Variants in HYDIN observed in about 807,000 individuals in gnomAD.
The protein encoded by HYDIN is HYDIN axonemal central pair apparatus protein.
Under a neutral mutation model 403.9 loss-of-function variants are expected in HYDIN, and 132 were observed. The observed-to-expected ratio is 0.33, with a 90% CI of 0.28 to 0.38. HYDIN has a LOEUF of 0.38. HYDIN is among the 10% of genes least tolerant of loss of function. HYDIN has a pLI of 1.00. For synonymous variants in HYDIN, 1,202 were observed against 1,891.7 expected (o/e 0.64, Z 9.46); for missense variants, 2,827 against 5,009.5 (o/e 0.56, Z 13.15).
At chr16:70,818,666 C>G (rs939899437) in intron 83 of HYDIN, 94 bp from the exon 84 acceptor site, 48 of 615,242 alleles carry the variant, frequency 7.8e-5, no homozygotes, top group East Asian at 1.1e-4. Context: ...TCTTTTTTAG[C>G]ATTGTTTGGC....
In HYDIN at chr16:70,961,971, T is replaced by C. The variant is rs75897778; in HGVS notation, c.5956A>G (p.Ile1986Val). The C allele has an allele frequency of 6.4e-6, 8 of 1,243,020 alleles. 1 individual carries two copies. Among genetic ancestry groups the C allele is most frequent in the Middle Eastern group, 4.4e-4 (2 of 4,502 alleles). 77.0% of individuals were successfully genotyped at this position (1,243,020 alleles called of 1,614,324 possible). A position where few individuals can be genotyped will look rare whatever the true frequency, so the allele number is the denominator to read the frequency against. The change falls in exon 38 of 86, where the codon ATC becomes GTC. Residue 1986 changes from isoleucine to valine, a missense_variant. Ile to Val is a conservative substitution (Grantham distance 29). Coordinates refer to ENST00000393567, the MANE Select transcript of HYDIN (RefSeq NM_001270974.2). The stretch of plus-strand genomic sequence containing the variant: ...AATGCTCGGTTACTTTGGAAAATGA[T>C]TTTTTCCAGGCTTTCCTCATCCTCC... ...EEEDEESLEK[I>V]IFQTDKLQSI... is the part of the protein sequence containing the mutation.
intron 1 of HYDIN, among the ~76,000 whole-genome samples, chr16:71,218,541 G>T (rs2089014373): frequency 6.6e-6 from 1 of 152,140 alleles, no homozygotes; most frequent in African/African-American, 2.4e-5. Flanking sequence ...CTGTTTAATT[G>T]TAATTACAAA....
At chr16:70,932,635 G>C (rs2077379360) in intron 45 of HYDIN, among the ~76,000 whole-genome samples, 1 of 151,878 alleles carries the variant, frequency 6.6e-6, no homozygotes, top group South Asian at 2.1e-4. Flanking sequence ...TTTTGCTTTT[G>C]TCTTATTCAA....
chr16:71,188,391 C>T (rs1395694488), intron 1 of HYDIN, among the ~76,000 whole-genome samples: 1 of 152,190 alleles, frequency 6.6e-6, no homozygotes, highest in East Asian at 1.9e-4. Context: ...CCAATCTTGA[C>T]ATCCAAACCA....
chr16:71,130,487 T>G (rs951403757), intron 8 of HYDIN, among the ~76,000 whole-genome samples: 8 of 141,206 alleles, frequency 5.7e-5, no homozygotes, highest in Admixed American at 2.1e-4. Flanking sequence ...TTTTTTTTTT[T>G]TTTTTTTTTT....
chr16:71,127,060 T>C (rs933817075), intron 9 of HYDIN, among the ~76,000 whole-genome samples: 6 of 152,188 alleles, frequency 3.9e-5, no homozygotes, highest in Non-Finnish European at 7.3e-5. Flanking sequence ...TTTCAGGAAC[T>C]ATAGTTTTTA....
chr16:70,866,798 G>A (rs1363003269), intron 66 of HYDIN, among the ~76,000 whole-genome samples: 1 of 152,082 alleles, frequency 6.6e-6, no homozygotes, highest in African/African-American at 2.4e-5. Context: ...ACCGAGGTGG[G>A]TGGATCACTT....
At chr16:71,087,283 T>C (rs2082959033) in intron 12 of HYDIN, among the ~76,000 whole-genome samples, 1 of 152,156 alleles carries the variant, frequency 6.6e-6, no homozygotes, top group Non-Finnish European at 1.5e-5. Context: ...GAAGTTTATT[T>C]CTGTTGCTGT....
chr16:70,807,676 G>C lies in HYDIN; in HGVS notation c.15270C>G (p.Thr5090=). 6.2e-7 allele frequency: 1 copy of C among 1,614,084 alleles called. No homozygotes were observed. The highest frequency in any genetic ancestry group is 8.5e-7 in the Non-Finnish European group (1 of 1,180,016). The change falls in exon 86 of 86, where the codon ACC becomes ACG. Residue 5090 remains threonine, a synonymous_variant. Coordinates refer to ENST00000393567, the MANE Select transcript of HYDIN (RefSeq NM_001270974.2). The part of the protein sequence containing the change: ...SFEGNPSGSK[T]PITTKLTVSC... ...TCACAGTCAGCTTGGTGGTGATGGG[G>C]GTTTTGCTGCCAGATGGGTTTCCTT...
At chr16:71,053,867 A>ATT (rs11440434) in intron 18 of HYDIN, among the ~76,000 whole-genome samples, 1 of 151,678 alleles carries the variant, frequency 6.6e-6, no homozygotes, top group South Asian at 2.1e-4. Flanking sequence ...ATATCTCTTG[A>ATT]TTTTTTTCTG....
intron 62 of HYDIN, 124 bp downstream of exon 62, chr16:70,879,173 G>A: frequency 1.7e-6 from 1 of 604,478 alleles, no homozygotes; most frequent in Non-Finnish European, 2.9e-6. Context: ...CTGACACATA[G>A]GTTAATGTAT....
chr16:70,908,917 G>C (rs2076613385), intron 47 of HYDIN, 56 bp from the exon 48 acceptor site: 1 of 1,597,162 alleles, frequency 6.3e-7, no homozygotes, highest in African/African-American at 1.3e-5. Flanking sequence ...CACACAAACA[G>C]AAGACAGAGA....
At chr16:71,017,036 A>G (rs966920287) in intron 23 of HYDIN, among the ~76,000 whole-genome samples, 17 of 151,990 alleles carry the variant, frequency 1.1e-4, no homozygotes, top group African/African-American at 4.1e-4. Context: ...ATGAGATCTG[A>G]TGGTTTAAAA....
chr16:70,870,444 A>C (rs1327675673), intron 65 of HYDIN, among the ~76,000 whole-genome samples: 1 of 152,012 alleles, frequency 6.6e-6, no homozygotes, highest in East Asian at 1.9e-4. Flanking sequence ...TGCTGTGTGC[A>C]GCCTAAGGAT....
chr16:71,056,998 A>T, intron 18 of HYDIN, among the ~76,000 whole-genome samples: 1 of 123,044 alleles, frequency 8.1e-6, no homozygotes. Context: ...TGAAGTTGAA[A>T]CCACTTTTCT....
chr16:71,133,069 T>A (rs1230893300), intron 8 of HYDIN: 8 of 360,198 alleles, frequency 2.2e-5, no homozygotes, highest in Admixed American at 3.8e-5. Context: ...CCTTTAACAG[T>A]CAATGGGGAA....
At chr16:71,030,982 T>C (rs1337924330) in intron 19 of HYDIN, among the ~76,000 whole-genome samples, 1 of 151,332 alleles carries the variant, frequency 6.6e-6, no homozygotes, top group African/African-American at 2.4e-5. Flanking sequence ...AGGTGGATCA[T>C]GAGGTCAGGA....
chr16:70,815,465 G>T (rs2035778404), intron 84 of HYDIN, among the ~76,000 whole-genome samples: 3 of 149,606 alleles, frequency 2.0e-5, no homozygotes, highest in Admixed American at 6.6e-5. Flanking sequence ...GTTTATAAAA[G>T]ACACATTTAA....
chr16:71,218,617 A>G (rs2089018831), intron 1 of HYDIN, among the ~76,000 whole-genome samples: 1 of 152,206 alleles, frequency 6.6e-6, no homozygotes, highest in African/African-American at 2.4e-5. Flanking sequence ...TTTTAACATA[A>G]CAAGCCATAT....
Sources: gnomAD v4.1 joint callset for allele counts (sites outside exome capture counted in the v4.1 genomes callset) on GRCh38, gnomAD v4.1.1 for gene constraint, MANE v1.5 for transcripts, NCBI Gene and HGNC (gene_info 2026-07-23, HGNC 2026-07-21) for gene names.